Variants in DCC observed in about 807,000 individuals in gnomAD.
DCC encodes netrin receptor DCC.
DCC carries 58 observed loss-of-function variants against 172.5 expected under a neutral mutation model. That is an observed-to-expected ratio of 0.34 (90% CI 0.27 to 0.42). The LOEUF (loss-of-function observed/expected upper bound fraction) is 0.42, where lower values mean the gene tolerates loss of function less well. DCC is among the 10% of genes least tolerant of loss of function. DCC has a pLI of 1.00. For synonymous variants in DCC, 709 were observed against 644.5 expected (o/e 1.10, Z -1.52); for missense variants, 1,740 against 1,791.0 (o/e 0.97, Z 0.51).
intron 5 of DCC, among the ~76,000 whole-genome samples, chr18:53,059,291 A>T (rs1386410578): frequency 1.3e-5 from 2 of 152,160 alleles, no homozygotes; most frequent in Non-Finnish European, 2.9e-5. Context: ...AAACTGTATC[A>T]GTGTATATAT....
intron 7 of DCC, among the ~76,000 whole-genome samples, chr18:53,070,869 C>T (rs949904890): frequency 6.6e-6 from 1 of 152,206 alleles, no homozygotes; most frequent in African/African-American, 2.4e-5. Context: ...AAGAATGCCA[C>T]TCCAATTCCT....
chr18:53,160,580 G>A (rs2054820738), intron 8 of DCC, among the ~76,000 whole-genome samples: 1 of 152,122 alleles, frequency 6.6e-6, no homozygotes, highest in Non-Finnish European at 1.5e-5. Context: ...GCTGAATATA[G>A]CTAGATGGAA....
intron 27 of DCC, among the ~76,000 whole-genome samples, chr18:53,514,872 A>G (rs2046314636): frequency 6.6e-6 from 1 of 152,062 alleles, no homozygotes; most frequent in African/African-American, 2.4e-5. Flanking sequence ...CCAGAGGTAC[A>G]AGGAGGAACT....
At chr18:52,699,996 T>C (rs2036080220) in intron 1 of DCC, among the ~76,000 whole-genome samples, 1 of 151,962 alleles carries the variant, frequency 6.6e-6, no homozygotes, top group Admixed American at 6.5e-5. Flanking sequence ...CATGTGTAAA[T>C]TAAGAGTAGA....
intron 1 of DCC, among the ~76,000 whole-genome samples, chr18:52,347,542 T>A (rs1983932458): frequency 6.6e-6 from 1 of 152,164 alleles, no homozygotes; most frequent in Admixed American, 6.5e-5. Flanking sequence ...ATATATTTTG[T>A]CTACATCTTG....
intron 9 of DCC, among the ~76,000 whole-genome samples, chr18:53,204,737 C>G (rs543438608): frequency 1.3e-5 from 2 of 152,130 alleles, no homozygotes; most frequent in African/African-American, 2.4e-5. Context: ...TTTTAAAACT[C>G]TGACTTAAAG....
At chr18:52,430,097 G>C (rs1275376335) in intron 1 of DCC, among the ~76,000 whole-genome samples, 2 of 152,092 alleles carry the variant, frequency 1.3e-5, no homozygotes, top group African/African-American at 4.8e-5. Context: ...GGTGAGCTAG[G>C]ATCAAACTGA....
intron 18 of DCC, among the ~76,000 whole-genome samples, chr18:53,398,404 C>A (rs143344483): frequency 2.4e-3 from 372 of 152,184 alleles, no homozygotes; most frequent in African/African-American, 8.7e-3. Context: ...TTTTAACATC[C>A]TATTTTTCTA....
At chr18:53,342,210 A>C (rs1164818727) in intron 15 of DCC, among the ~76,000 whole-genome samples, 1 of 152,066 alleles carries the variant, frequency 6.6e-6, no homozygotes, top group Non-Finnish European at 1.5e-5. Context: ...GATCAGCTTC[A>C]GGACTGGAAA....
intron 7 of DCC, among the ~76,000 whole-genome samples, chr18:53,069,516 C>T (rs1474528698): frequency 1.3e-5 from 2 of 151,662 alleles, no homozygotes; most frequent in Non-Finnish European, 2.9e-5. Flanking sequence ...AGGAGGGTGG[C>T]GCAGGTCAGC....
intron 1 of DCC, among the ~76,000 whole-genome samples, chr18:52,650,987 T>C (rs185771767): frequency 6.6e-6 from 1 of 152,302 alleles, no homozygotes; most frequent in East Asian, 1.9e-4. Context: ...TACCCTAAAT[T>C]ATTAAAAGCA....
chr18:53,369,080 G>A (rs778113350), intron 15 of DCC, among the ~76,000 whole-genome samples: 7 of 151,852 alleles, frequency 4.6e-5, no homozygotes, highest in African/African-American at 7.2e-5. Flanking sequence ...CACGGGCTGC[G>A]TTTCTATATA....
intron 2 of DCC, among the ~76,000 whole-genome samples, chr18:52,845,130 G>C (rs948725360): frequency 1.3e-5 from 2 of 152,182 alleles, no homozygotes; most frequent in East Asian, 1.9e-4. Flanking sequence ...GACAGACAGA[G>C]AGAGGACAAA....
chr18:52,462,845 A>G (rs1988672592), intron 1 of DCC, among the ~76,000 whole-genome samples: 1 of 146,908 alleles, frequency 6.8e-6, no homozygotes, highest in Admixed American at 7.1e-5. Flanking sequence ...ACTCTGAATT[A>G]TGTATTGAAT....
intron 6 of DCC, among the ~76,000 whole-genome samples, chr18:53,065,660 G>T (rs1266432176): frequency 6.6e-6 from 1 of 151,546 alleles, no homozygotes; most frequent in East Asian, 1.9e-4. Flanking sequence ...TTTTTTTCCT[G>T]AGCAGCTACT....
intron 1 of DCC, among the ~76,000 whole-genome samples, chr18:52,421,640 G>A (rs1352534933): frequency 6.6e-6 from 1 of 152,196 alleles, no homozygotes; most frequent in Non-Finnish European, 1.5e-5. Context: ...AGGTGATCTT[G>A]GCACTTGAGC....
intron 12 of DCC, among the ~76,000 whole-genome samples, chr18:53,290,881 T>C (rs2056995229): frequency 6.6e-6 from 1 of 152,156 alleles, no homozygotes; most frequent in African/African-American, 2.4e-5. Flanking sequence ...TTTAAAAAAA[T>C]GTTGGGGCCA....
At chr18:53,235,337 C>T (rs539979693) in intron 12 of DCC, among the ~76,000 whole-genome samples, 1 of 152,276 alleles carries the variant, frequency 6.6e-6, no homozygotes, top group South Asian at 2.1e-4. Context: ...TCTGCTGTCT[C>T]ACTTTAATGA....
chr18:52,413,959 T>A (rs1297395057), intron 1 of DCC, among the ~76,000 whole-genome samples: 3 of 152,162 alleles, frequency 2.0e-5, no homozygotes, highest in African/African-American at 7.2e-5. Flanking sequence ...CACGTGTGTA[T>A]CTATGCTTAA....
Sources: allele counts gnomAD v4.1 joint callset (sites outside exome capture counted in the v4.1 genomes callset), GRCh38; gene constraint gnomAD v4.1.1; transcripts MANE v1.5; gene names NCBI Gene and HGNC (gene_info 2026-07-23, HGNC 2026-07-21).